Variants in RELN observed in about 807,000 individuals in gnomAD.
The protein encoded by RELN is reelin.
In RELN, 108 loss-of-function variants were observed where a neutral mutation model predicts 427.6. The observed-to-expected ratio is 0.25, with a 90% CI of 0.22 to 0.30. The LOEUF is 0.30. Ranked by LOEUF, RELN falls within the 10% of genes least tolerant of loss-of-function variation. RELN has a pLI of 1.00. For missense variants in RELN, 3,715 were observed against 4,302.8 expected (o/e 0.86, Z 3.82); for synonymous variants, 1,524 against 1,513.4 (o/e 1.01, Z -0.16).
intron 20 of RELN, among the ~76,000 whole-genome samples, chr7:103,612,569 C>A (rs1279574545): frequency 6.6e-6 from 1 of 152,074 alleles, no homozygotes; most frequent in Non-Finnish European, 1.5e-5. Flanking sequence ...GCCACCGCGC[C>A]CAGCCTGAAA....
rs111409320 is a variant in RELN at position 103,814,989 on chromosome 7, A to C, written c.473+18548T>G. Among the ~76,000 whole-genome samples the C allele has an allele frequency of 5.6e-3, 853 of 152,326 alleles. 8 individuals are homozygous for C. Among genetic ancestry groups the C allele is most frequent in the African/African-American group, 0.02 (815 of 41,584 alleles). ...AGTTGCAAAGTCAATTAGGGATGGA[A>C]GAAGGTACAGAAATAAACATGGGCA... On this transcript the variant is annotated intron_variant, in intron 3 of 64. Transcript: ENST00000428762.
At chr7:103,602,779 A>G (rs1324970066) in intron 24 of RELN, among the ~76,000 whole-genome samples, 1 of 152,142 alleles carries the variant, frequency 6.6e-6, no homozygotes, top group African/African-American at 2.4e-5. Flanking sequence ...GTGTATACCT[A>G]TGTAACAAAC....
chr7:103,595,284 A>G (rs1203499810), intron 25 of RELN, among the ~76,000 whole-genome samples: 1 of 152,186 alleles, frequency 6.6e-6, no homozygotes, highest in Non-Finnish European at 1.5e-5. Flanking sequence ...TGGCACCATT[A>G]TCAATTCCCT....
chr7:103,571,112 T>A (rs1258560704), intron 31 of RELN, among the ~76,000 whole-genome samples: 1 of 152,198 alleles, frequency 6.6e-6, no homozygotes, highest in Non-Finnish European at 1.5e-5. Flanking sequence ...TTAGTGATAA[T>A]ATGGCCAAGG....
At chr7:103,772,152 G>A (rs369830854) in intron 4 of RELN, among the ~76,000 whole-genome samples, 120 of 152,186 alleles carry the variant, frequency 7.9e-4, no homozygotes, top group African/African-American at 2.7e-3. Flanking sequence ...TTATTCATTT[G>A]ACAAACATTT....
intron 55 of RELN, among the ~76,000 whole-genome samples, chr7:103,497,203 TTTAA>T (rs918508916): frequency 6.6e-6 from 1 of 152,214 alleles, no homozygotes; most frequent in African/African-American, 2.4e-5. Flanking sequence ...AGGTGGGATG[TTTAA>T]TTACTTAAGA....
intron 38 of RELN, among the ~76,000 whole-genome samples, chr7:103,554,227 A>G (rs1419903189): frequency 7.0e-6 from 1 of 142,180 alleles, no homozygotes; most frequent in Non-Finnish European, 1.6e-5. Flanking sequence ...AAACCCATAT[A>G]CTTTCTGGGG....
intron 1 of RELN, among the ~76,000 whole-genome samples, chr7:103,987,570 C>G (rs1797129424): frequency 6.6e-6 from 1 of 152,188 alleles, no homozygotes; most frequent in Non-Finnish European, 1.5e-5. Flanking sequence ...CAGCCTCACT[C>G]ACTTACCCAC....
At chr7:103,723,399 G>A (rs115897412) in intron 7 of RELN, among the ~76,000 whole-genome samples, 1 of 152,306 alleles carries the variant, frequency 6.6e-6, no homozygotes, top group African/African-American at 2.4e-5. Context: ...GAATAAAGAA[G>A]TGAAATCCTG....
intron 3 of RELN, among the ~76,000 whole-genome samples, chr7:103,814,171 G>C (rs1792812874): frequency 1.3e-5 from 2 of 152,112 alleles, no homozygotes; most frequent in South Asian, 2.1e-4. Flanking sequence ...CCAAGCCTCT[G>C]ATTCCTCATC....
Position 103,867,282 on chromosome 7 carries a change from C to A in RELN, c.338-33610G>T, listed in dbSNP as rs564435189. On this transcript the variant is annotated intron_variant, in intron 2 of 64. Transcript: ENST00000428762. ...GTACCTTCATTTAAAAAGAGAAACT[C>A]AATAAACCAGACCATTTATATTTCC... Among the ~76,000 whole-genome samples, 6 of 151,972 alleles carry A rather than the reference C, an allele frequency of 3.9e-5. No homozygotes were observed. The East Asian group carries it at 9.7e-4, about 25-fold the overall frequency.
At chr7:103,613,935 G>C (rs1479986971) in intron 20 of RELN, among the ~76,000 whole-genome samples, 3 of 152,138 alleles carry the variant, frequency 2.0e-5, no homozygotes, top group African/African-American at 7.2e-5. Flanking sequence ...ATTCTATAGA[G>C]AAACAGAAGG....
intron 2 of RELN, among the ~76,000 whole-genome samples, chr7:103,850,063 A>G (rs997254048): frequency 6.6e-6 from 1 of 152,224 alleles, no homozygotes; most frequent in African/African-American, 2.4e-5. Flanking sequence ...GAACATACCA[A>G]TTGCATTACA....
chr7:103,782,032 CCTT>C (rs1474559823), intron 3 of RELN, among the ~76,000 whole-genome samples: 2 of 151,796 alleles, frequency 1.3e-5, no homozygotes, highest in Non-Finnish European at 2.9e-5. Context: ...GCACTTATCT[CCTT>C]CTTGGGAGAT....
intron 3 of RELN, among the ~76,000 whole-genome samples, chr7:103,782,921 T>C (rs567348488): frequency 1.3e-5 from 2 of 152,294 alleles, no homozygotes; most frequent in African/African-American, 4.8e-5. Context: ...GGTATATTAG[T>C]TGACTTGTCC....
chr7:103,725,959 T>A (rs1283979191), intron 7 of RELN, among the ~76,000 whole-genome samples: 1 of 152,158 alleles, frequency 6.6e-6, no homozygotes. Context: ...CCTAATAAGG[T>A]TCTTTGCTCG....
At chr7:103,547,274 C>T (rs575299793) in intron 41 of RELN, among the ~76,000 whole-genome samples, 9 of 152,230 alleles carry the variant, frequency 5.9e-5, no homozygotes, top group South Asian at 4.1e-4. Context: ...GATAGTAAAG[C>T]GACAGATTCA....
chr7:103,789,546 AG>A (rs200824172), intron 3 of RELN, among the ~76,000 whole-genome samples: 1,849 of 152,360 alleles, frequency 0.012, 33 homozygotes, highest in African/African-American at 0.042. Flanking sequence ...ACTTCTCAAA[AG>A]AAGACATTTA....
chr7:103,657,747 G>C (rs1833052565), intron 12 of RELN, among the ~76,000 whole-genome samples: 2 of 152,088 alleles, frequency 1.3e-5, no homozygotes, highest in African/African-American at 4.8e-5. Context: ...TCTGTGAAGT[G>C]TCAATGACAG....
Sources: allele counts gnomAD v4.1 joint callset (sites outside exome capture counted in the v4.1 genomes callset), GRCh38; gene constraint gnomAD v4.1.1; transcripts MANE v1.5; gene names NCBI Gene and HGNC (gene_info 2026-07-23, HGNC 2026-07-21).